FHIP1A: variants seen among roughly 807,000 people sequenced by gnomAD.
FHIP1A encodes the protein FHF complex subunit HOOK interacting protein 1A.
In FHIP1A, 61 loss-of-function variants were observed where a neutral mutation model predicts 88.6. The observed-to-expected ratio is 0.69, with a 90% CI of 0.56 to 0.85. FHIP1A has a LOEUF of 0.85. Ranked by LOEUF, FHIP1A falls within the 40% of genes least tolerant of loss-of-function variation. The probability of loss-of-function intolerance (pLI) is 0.00; values close to 1 mark genes in which losing one functional copy is unlikely to be tolerated. For missense variants in FHIP1A, 1,154 were observed against 1,273.5 expected (o/e 0.91, Z 1.43); for synonymous variants, 478 against 496.0 (o/e 0.96, Z 0.48).
intron 1 of FHIP1A, among the ~76,000 whole-genome samples, chr4:151,444,891 TG>T (rs1445016104): frequency 6.6e-6 from 1 of 152,206 alleles, no homozygotes; most frequent in Non-Finnish European, 1.5e-5. Flanking sequence ...AAAATGTGTG[TG>T]GGTATTTCTC....
In FHIP1A at chr4:151,482,617, C is replaced by T. The variant is rs1037091213; in HGVS notation, c.-154C>T. ...AAGAGTGAAGTGAGCAAATACAACC[C>T]AGCAGTAGGTTATTGAAGACAGCAG... On this transcript the variant is annotated 5_prime_UTR_variant, in exon 3 of 14. Transcript: ENST00000435205. The T allele has an allele frequency of 1.8e-4, 27 of 151,956 alleles. No individual in the cohort carries two copies. Among genetic ancestry groups the T allele is most frequent in the African/African-American group, 5.8e-4 (24 of 41,378 alleles). The allele number at this position is 151,956 out of a possible 1,614,324, so 9.4% of individuals were successfully genotyped here. A position where few individuals can be genotyped will look rare whatever the true frequency, so the allele number is the denominator to read the frequency against.
chr4:151,560,233 T>TC (rs2126762165), intron 3 of FHIP1A, among the ~76,000 whole-genome samples: 1 of 152,294 alleles, frequency 6.6e-6, no homozygotes, highest in Admixed American at 6.5e-5. Context: ...AAGGTAAGCA[T>TC]CACATCATCT....
intron 7 of FHIP1A, among the ~76,000 whole-genome samples, chr4:151,599,109 G>A (rs954899755): frequency 7.2e-5 from 11 of 152,124 alleles, no homozygotes; most frequent in African/African-American, 2.7e-4. Flanking sequence ...TATGGGAAAG[G>A]ATAAATTTTT....
chr4:151,646,354 A>G (rs1409525268), intron 9 of FHIP1A, among the ~76,000 whole-genome samples: 1 of 152,216 alleles, frequency 6.6e-6, no homozygotes, highest in Non-Finnish European at 1.5e-5. Context: ...TATAAAGACC[A>G]TTAAGTGCTT....
chr4:151,446,447 CTTCCT>C (rs201047565), intron 1 of FHIP1A, among the ~76,000 whole-genome samples: 10 of 148,118 alleles, frequency 6.8e-5, no homozygotes, highest in African/African-American at 1.2e-4. Flanking sequence ...GGATTTCTTT[CTTCCT>C]TTCCTTTCCT....
At chr4:151,435,482 C>T (rs142702959) in intron 1 of FHIP1A, among the ~76,000 whole-genome samples, 21 of 152,232 alleles carry the variant, frequency 1.4e-4, no homozygotes, top group African/African-American at 4.6e-4. Flanking sequence ...CCTAAACCTG[C>T]GTTGGTATAA....
chr4:151,542,547 A>C (rs959532574), intron 3 of FHIP1A, among the ~76,000 whole-genome samples: 2 of 152,044 alleles, frequency 1.3e-5, no homozygotes, highest in Non-Finnish European at 2.9e-5. Flanking sequence ...CCTCATGCCA[A>C]CTTATCCCAT....
intron 1 of FHIP1A, among the ~76,000 whole-genome samples, chr4:151,430,795 T>A (rs1027532999): frequency 6.6e-5 from 10 of 152,228 alleles, no homozygotes; most frequent in Non-Finnish European, 1.3e-4. Context: ...CAAATCAACA[T>A]GATACGATGC....
intron 7 of FHIP1A, among the ~76,000 whole-genome samples, chr4:151,627,417 AG>A (rs1172048371): frequency 6.6e-6 from 1 of 152,194 alleles, no homozygotes; most frequent in African/African-American, 2.4e-5. Context: ...GTGTAACTTA[AG>A]GGGGGAAAAG....
intron 3 of FHIP1A, among the ~76,000 whole-genome samples, chr4:151,559,696 T>C (rs1243750812): frequency 6.6e-6 from 1 of 152,200 alleles, no homozygotes; most frequent in Admixed American, 6.5e-5. Flanking sequence ...GTAGGGTCTT[T>C]TCAATCATTT....
intron 1 of FHIP1A, among the ~76,000 whole-genome samples, chr4:151,414,986 C>T (rs1054512054): frequency 1.3e-5 from 2 of 151,950 alleles, no homozygotes; most frequent in African/African-American, 4.8e-5. Context: ...TCATTTTTCC[C>T]TCTATTTAAA....
Position 151,558,948 on chromosome 4 carries a change from A to G in FHIP1A, c.-122-7190A>G, listed in dbSNP as rs1733063576. On this transcript the variant is annotated intron_variant, in intron 3 of 13. Transcript: ENST00000435205. ...AACCACTTAAAAAGTGCTTCTGAAAATAAGACTACCACTCTTCTGTGAATT... is the reference window on the plus strand; with the variant it reads ...AACCACTTAAAAAGTGCTTCTGAAAGTAAGACTACCACTCTTCTGTGAATT... Among the ~76,000 whole-genome samples the G allele has an allele frequency of 2.0e-5, 3 of 152,242 alleles. No individual in the cohort carries two copies. In the South Asian group the frequency reaches 6.2e-4, roughly 32 times the overall value.
At chr4:151,575,499 T>C (rs145343136) in intron 4 of FHIP1A, among the ~76,000 whole-genome samples, 1 of 152,238 alleles carries the variant, frequency 6.6e-6, no homozygotes, top group African/African-American at 2.4e-5. Context: ...GGGTGCACTT[T>C]GGAGTCAGGC....
chr4:151,475,866 A>AT (rs1224400029), intron 2 of FHIP1A, among the ~76,000 whole-genome samples: 101 of 77,288 alleles, frequency 1.3e-3, no homozygotes, highest in South Asian at 9.8e-3. Flanking sequence ...TCTATTATCG[A>AT]TTTTTTTTTT....
chr4:151,559,125 G>A (rs2095253901), intron 3 of FHIP1A, among the ~76,000 whole-genome samples: 2 of 152,062 alleles, frequency 1.3e-5, no homozygotes, highest in Admixed American at 1.3e-4. Context: ...GAGTCAAATA[G>A]CATATTGTAT....
intron 9 of FHIP1A, among the ~76,000 whole-genome samples, chr4:151,642,498 C>T (rs1241635016): frequency 2.0e-5 from 3 of 152,046 alleles, no homozygotes; most frequent in Non-Finnish European, 4.4e-5. Context: ...CCCTGTAAAG[C>T]CTGCCAGCCT....
intron 3 of FHIP1A, among the ~76,000 whole-genome samples, chr4:151,486,084 T>C (rs1899550): frequency 0.52 from 78,979 of 151,928 alleles, 20,825 homozygotes; most frequent in African/African-American, 0.55. Flanking sequence ...CACATGTGCA[T>C]TTCACGATAA....
At chr4:151,619,611 T>C (rs1472048874) in intron 7 of FHIP1A, among the ~76,000 whole-genome samples, 1 of 152,232 alleles carries the variant, frequency 6.6e-6, no homozygotes, top group Non-Finnish European at 1.5e-5. Context: ...CATTTCTGCT[T>C]TATCATGGGC....
At chr4:151,449,789 G>A (rs1366447013) in intron 1 of FHIP1A, among the ~76,000 whole-genome samples, 2 of 152,258 alleles carry the variant, frequency 1.3e-5, no homozygotes, top group East Asian at 3.9e-4. Context: ...GTGTCCTGGG[G>A]TGTGTTGGGA....
Sources: allele counts gnomAD v4.1 joint callset (sites outside exome capture counted in the v4.1 genomes callset), GRCh38; gene constraint gnomAD v4.1.1; transcripts MANE v1.5; gene names NCBI Gene and HGNC (gene_info 2026-07-23, HGNC 2026-07-21).